The following ARMC2 variants were observed in gnomAD, a reference collection of about 807,000 sequenced individuals.
ARMC2 encodes armadillo repeat-containing protein 2.
Under a neutral mutation model 90.3 loss-of-function variants are expected in ARMC2, and 67 were observed. That is an observed-to-expected ratio of 0.74 (90% confidence interval 0.61 to 0.91). The LOEUF is 0.91. ARMC2 is among the 40% of genes least tolerant of loss of function. The probability of loss-of-function intolerance (pLI) is 0.00; values close to 1 mark genes in which losing one functional copy is unlikely to be tolerated. For missense variants in ARMC2, 920 were observed against 1,030.9 expected (o/e 0.89, Z 1.47); for synonymous variants, 393 against 393.0 (o/e 1.00, Z 0.00).
the ARMC2 span, among the ~76,000 whole-genome samples, chr6:108,996,518 G>A: frequency 7.9e-5 from 12 of 151,916 alleles, no homozygotes; most frequent in African/African-American, 2.7e-4. Flanking sequence ...TCCTCTTAAA[G>A]AGCCCAAATT....
chr6:108,965,890 C>T (rs994852243), intron 17 of ARMC2, among the ~76,000 whole-genome samples: 18 of 150,862 alleles, frequency 1.2e-4, no homozygotes, highest in Non-Finnish European at 1.9e-4. Context: ...TGGGCTCAAG[C>T]GATCCTCCCA....
the ARMC2 span, among the ~76,000 whole-genome samples, chr6:109,048,339 CT>C: frequency 6.6e-6 from 1 of 151,784 alleles, no homozygotes; most frequent in Non-Finnish European, 1.5e-5. Context: ...CTCCACCTCC[CT>C]TGTTTACTTG....
In ARMC2 at chr6:108,958,287, T is replaced by C. The variant is rs542789903; in HGVS notation, c.1916-3285T>C. On this transcript the variant is annotated intron_variant, in intron 13 of 17. Coordinates refer to ENST00000392644, the MANE Select transcript of ARMC2 (RefSeq NM_032131.6). ...TTGGTTCAAGCCACCCAGTTTATGGTATTTTATTATGACAGGCCAAGGTGA... is the reference window on the plus strand; with the variant it reads ...TTGGTTCAAGCCACCCAGTTTATGGCATTTTATTATGACAGGCCAAGGTGA... Among the ~76,000 whole-genome samples the C allele has an allele frequency of 2.0e-5, 3 of 152,274 alleles. No homozygotes were observed. The South Asian group carries it at 6.2e-4, about 32-fold the overall frequency.
chr6:108,906,135 A>C (rs577228286), intron 8 of ARMC2, among the ~76,000 whole-genome samples: 108 of 152,198 alleles, frequency 7.1e-4, no homozygotes, highest in Non-Finnish European at 1.1e-3. Context: ...AGTCATCTTA[A>C]TTTTAATCTT....
chr6:108,911,842 G>A (rs2128472056), intron 9 of ARMC2, among the ~76,000 whole-genome samples: 1 of 152,248 alleles, frequency 6.6e-6, no homozygotes, highest in East Asian at 1.9e-4. Flanking sequence ...TTGAATAAAT[G>A]TTCTTAAGTT....
chr6:108,960,210 C>G (rs2104118), intron 13 of ARMC2, among the ~76,000 whole-genome samples: 58,267 of 151,970 alleles, frequency 0.38, 11,860 homozygotes, highest in African/African-American at 0.48. Context: ...TGTGCACCGG[C>G]GGGGGACACC....
chr6:108,907,893 T>A lies in ARMC2; in HGVS notation c.1024-3006T>A, dbSNP rs1037695655. On this transcript the variant is annotated intron_variant, in intron 8 of 17. Transcript: ENST00000392644. ...GCTATCTTAGAGTCCTGGTGTCCGC[T>A]GTGTTCTTCTGTTTTCTTAAGCCCG... The A allele has an allele frequency of 3.1e-6, 5 of 1,597,072 alleles. No homozygotes were observed. The Admixed American group carries it at 5.1e-5, about 16-fold the overall frequency.
chr6:109,035,603 T>C, the ARMC2 span, among the ~76,000 whole-genome samples: 1 of 151,760 alleles, frequency 6.6e-6, no homozygotes, highest in Admixed American at 6.6e-5. Context: ...CTGGGCTTCA[T>C]GTAGCCTTAG....
intron 10 of ARMC2, among the ~76,000 whole-genome samples, chr6:108,918,635 A>G (rs916651298): frequency 2.6e-5 from 4 of 152,184 alleles, no homozygotes; most frequent in East Asian, 1.9e-4. Flanking sequence ...GCCACCCTGC[A>G]TGGTCCAGTG....
chr6:109,013,567 A>C, the ARMC2 span, among the ~76,000 whole-genome samples: 1 of 152,238 alleles, frequency 6.6e-6, no homozygotes. Context: ...AAAAAGCAGT[A>C]ATTAGGTTAA....
At chr6:108,894,351 A>T (rs1470155314) in intron 5 of ARMC2, 116 bp from the exon 6 acceptor site, 2 of 842,560 alleles carry the variant, frequency 2.4e-6, no homozygotes, top group African/African-American at 3.6e-5. Context: ...CCTGGATGAC[A>T]GAGTGAGACC....
the ARMC2 span, chr6:108,988,697 G>A: frequency 1.3e-6 from 2 of 1,583,950 alleles, no homozygotes; most frequent in Non-Finnish European, 1.7e-6. Context: ...TCTGTTGAAA[G>A]ACATAATGAG....
At chr6:108,904,667 G>A (rs1772492082) in intron 8 of ARMC2, among the ~76,000 whole-genome samples, 1 of 150,630 alleles carries the variant, frequency 6.6e-6, no homozygotes, top group African/African-American at 2.4e-5. Flanking sequence ...AAAAGAAGAA[G>A]AAGAAGGAAG....
the ARMC2 span, among the ~76,000 whole-genome samples, chr6:109,002,016 ATGT>A: frequency 0.098 from 14,937 of 152,246 alleles, 888 homozygotes; most frequent in Middle Eastern, 0.19. Flanking sequence ...ATATAAGCAG[ATGT>A]TGTATCACTG....
chr6:109,021,537 A>T, the ARMC2 span, among the ~76,000 whole-genome samples: 1 of 151,698 alleles, frequency 6.6e-6, no homozygotes, highest in African/African-American at 2.4e-5. Flanking sequence ...TCCCGGGTTC[A>T]AGCAATTCTC....
chr6:108,888,905 C>T (rs1029739333), intron 5 of ARMC2, among the ~76,000 whole-genome samples: 9 of 152,268 alleles, frequency 5.9e-5, no homozygotes, highest in East Asian at 5.8e-4. Context: ...ACCCCCAAAT[C>T]GCATCACTTC....
chr6:108,980,197 G>C, the ARMC2 span, among the ~76,000 whole-genome samples: 1 of 152,052 alleles, frequency 6.6e-6, no homozygotes, highest in Admixed American at 6.6e-5. Context: ...CCTTTTTGTT[G>C]ATGTTGATAC....
At chr6:108,925,628 AT>A (rs1189769253) in intron 10 of ARMC2, among the ~76,000 whole-genome samples, 1 of 152,220 alleles carries the variant, frequency 6.6e-6, no homozygotes, top group Non-Finnish European at 1.5e-5. Context: ...CCTGGGAGCT[AT>A]GGACAAAAAG....
At chr6:108,865,938 G>A in intron 3 of ARMC2, among the ~76,000 whole-genome samples, 1 of 149,556 alleles carries the variant, frequency 6.7e-6, no homozygotes, top group East Asian at 2.0e-4. Flanking sequence ...AATTGCATGA[G>A]ACCAGGAAGT....
Sources: gnomAD v4.1 joint callset for allele counts (sites outside exome capture counted in the v4.1 genomes callset) on GRCh38, gnomAD v4.1.1 for gene constraint, MANE v1.5 for transcripts, NCBI Gene and HGNC (gene_info 2026-07-23, HGNC 2026-07-21) for gene names.